Variants in BIRC6 observed in about 807,000 individuals in gnomAD.
BIRC6 encodes dual E2 ubiquitin-conjugating enzyme/E3 ubiquitin-protein ligase BIRC6.
In BIRC6, 98 loss-of-function variants were observed where a neutral mutation model predicts 503.3. That is an observed-to-expected ratio of 0.19 (90% CI 0.17 to 0.23). BIRC6 has a LOEUF of 0.23. BIRC6 is among the 10% of genes least tolerant of loss of function. The probability of loss-of-function intolerance (pLI) is 1.00; values close to 1 mark genes in which losing one functional copy is unlikely to be tolerated. For synonymous variants in BIRC6, 2,240 were observed against 2,078.7 expected (o/e 1.08, Z -2.11); for missense variants, 5,360 against 5,806.0 (o/e 0.92, Z 2.50).
rs200564932 is a variant in BIRC6, at chr2:32,617,900, T to C, written c.14570T>C (p.Leu4857Ser). 6.2e-7 allele frequency: 1 copy of C among 1,612,250 alleles called. No homozygotes were observed. The highest frequency in any genetic ancestry group is 8.5e-7 in the Non-Finnish European group (1 of 1,178,826). The change falls in exon 74 of 74, where the codon TTA becomes TCA. Residue 4857 changes from leucine (L) to serine (S), a missense_variant. Physicochemically the swap from Leu to Ser is moderately radical, Grantham distance 145 (BLOSUM62 -2). Transcript: ENST00000421745. ...SSKELPSDFQ[L>S] ...AAAGAACTCCCCAGTGACTTCCAGT[T>C]ATGAGCTGCATTGATGTGGACTTCA...
chr2:32,451,622 G>A (rs886382001), intron 22 of BIRC6, among the ~76,000 whole-genome samples: 1 of 152,182 alleles, frequency 6.6e-6, no homozygotes, highest in Non-Finnish European at 1.5e-5. Context: ...GAGTACTTCT[G>A]TGGCATGCCA....
rs1463347948 is a variant in BIRC6 at position 32,547,201 on chromosome 2, T to TA, written c.12811-648dup. 3.3e-5 allele frequency among the ~76,000 whole-genome samples: 5 copies of TA among 152,354 alleles called. 1 individual carries two copies. Among genetic ancestry groups the TA allele is most frequent in the Middle Eastern group, 3.4e-3 (1 of 294 alleles). ...TATTTATCCTAAAAAGATCTGCTCA[T>TA]ATCTGTATTCTTTTCACTGTTTTCT... On this transcript the variant is annotated intron_variant, in intron 63 of 73. Coordinates refer to ENST00000421745, the MANE Select transcript of BIRC6 (RefSeq NM_016252.4).
At chr2:32,560,132 A>G (rs1453200870) in intron 65 of BIRC6, among the ~76,000 whole-genome samples, 1 of 152,244 alleles carries the variant, frequency 6.6e-6, no homozygotes, top group Non-Finnish European at 1.5e-5. Context: ...AGAAAAGCAT[A>G]CTTACGTAAC....
intron 32 of BIRC6, 74 bp from the exon 33 acceptor site, chr2:32,473,038 G>A: frequency 7.6e-7 from 1 of 1,324,200 alleles, no homozygotes. Flanking sequence ...TGTGTTTTTT[G>A]TTTTCTGGGT....
chr2:32,501,937 G>T, intron 47 of BIRC6, 49 bp downstream of exon 47: 1 of 1,485,066 alleles, frequency 6.7e-7, no homozygotes, highest in Non-Finnish European at 9.1e-7. Context: ...AATTTATTGC[G>T]ATGTAAGTGG....
intron 16 of BIRC6, among the ~76,000 whole-genome samples, chr2:32,440,992 T>C (rs957999195): frequency 5.9e-5 from 9 of 151,990 alleles, no homozygotes; most frequent in Non-Finnish European, 1.2e-4. Flanking sequence ...AACTCCTGAG[T>C]TCTGTGATCT....
At chr2:32,377,892 A>G in intron 2 of BIRC6, 123 bp downstream of exon 2, 1 of 789,228 alleles carries the variant, frequency 1.3e-6, no homozygotes, top group East Asian at 3.0e-5. Context: ...AAAACAATTT[A>G]CTTATTGACC....
intron 23 of BIRC6, among the ~76,000 whole-genome samples, chr2:32,461,686 A>G (rs2048012016): frequency 1.3e-5 from 2 of 151,072 alleles, no homozygotes; most frequent in Non-Finnish European, 3.0e-5. Context: ...TTTTAATTTT[A>G]TTAGAATTCT....
rs1346224404 is a variant in BIRC6, at chr2:32,471,117, T to C, written c.6585T>C (p.Pro2195=). The C allele has an allele frequency of 6.4e-7, 1 of 1,567,426 alleles. No homozygotes were observed. ...VEDEAAAAKK[P]LNGNQWSFIN... ...ATGAAGCAGCAGCTGCAAAGAAACC[T>C]TTGAATGGTAAAGACAGGGAGAGGT... The change falls in exon 32 of 74, where the codon CCT becomes CCC. Residue 2195 remains proline, a synonymous_variant. Transcript: ENST00000421745.
chr2:32,468,507 A>G lies in BIRC6; in HGVS notation c.5851A>G (p.Asn1951Asp). Residue 1951 changes from asparagine (N) to aspartate (D), a missense_variant, in exon 29 of 74, where the codon AAC becomes GAC. By Grantham distance (23) the Asn-to-Asp change is conservative. Around this residue, in one of 16 missense-constraint regions of BIRC6, gnomAD observed 2,299 missense variants for 2,267.2 expected, o/e 1.01. Transcript: ENST00000421745. Reference sequence around the variant, plus strand: ...TGATCTTCCTCCTCTAAACAGTGCTAACAATGCACAGTACTTTTTACGAAA... The same window carrying G: ...TGATCTTCCTCCTCTAAACAGTGCTGACAATGCACAGTACTTTTTACGAAA... ...SIDLPPLNSA[N>D]NAQYFLRKPD... The G allele has an allele frequency of 1.2e-6, 2 of 1,613,942 alleles. No individual in the cohort carries two copies. Among genetic ancestry groups the G allele is most frequent in the Non-Finnish European group, 1.7e-6 (2 of 1,179,858 alleles).
rs765787725 is a variant in BIRC6, at chr2:32,547,883, A to G, written c.12844A>G (p.Thr4282Ala). ...QVSSSHNPTS[T>A]EEQQLYWAKG... is the part of the protein sequence containing the mutation. ...GTCAAGCTCTCATAACCCTACATCA[A>G]CAGAAGAACAACAGTTATATTGGGC... The change falls in exon 64 of 74, where the codon ACA becomes GCA. Residue 4282 changes from threonine (T) to alanine (A), a missense_variant. Thr to Ala is a moderately conservative substitution (Grantham distance 58). Around this residue, in one of 16 missense-constraint regions of BIRC6, gnomAD observed 477 missense variants for 574.4 expected, o/e 0.83. Coordinates refer to ENST00000421745, the MANE Select transcript of BIRC6 (RefSeq NM_016252.4). 3 of 1,608,620 alleles carry G rather than the reference A, an allele frequency of 1.9e-6. No individual in the cohort carries two copies. The highest frequency in any genetic ancestry group is 2.2e-5 in the East Asian group (1 of 44,742).
chr2:32,481,199 G>GTT (rs533082288), intron 37 of BIRC6, 121 bp from the exon 38 acceptor site: 10,602 of 684,730 alleles, frequency 0.015, 56 homozygotes, highest in Admixed American at 0.022. Flanking sequence ...CATACATAGA[G>GTT]TTTTTTTTTT....
At chr2:32,543,903 A>G (rs144535966) in intron 62 of BIRC6, among the ~76,000 whole-genome samples, 3 of 152,234 alleles carry the variant, frequency 2.0e-5, no homozygotes, top group South Asian at 2.1e-4. Flanking sequence ...TCCCTTCAGT[A>G]CTCTTGAGTG....
chr2:32,503,206 G>A lies in BIRC6; in HGVS notation c.9469G>A (p.Ala3157Thr). 6.2e-7 allele frequency: 1 copy of A among 1,610,646 alleles called. No homozygotes were observed. The highest frequency in any genetic ancestry group is 8.5e-7 in the Non-Finnish European group (1 of 1,178,898). Residue 3157 changes from alanine (A) to threonine (T), a missense_variant, in exon 49 of 74, where the codon GCT becomes ACT. Coordinates refer to ENST00000421745, the MANE Select transcript of BIRC6 (RefSeq NM_016252.4). Reference sequence around the variant, plus strand: ...AATACTAGCTTCTGAGCCTGACAATGCTGAAGGGATTCATAACTTTGCACC... The same window carrying A: ...AATACTAGCTTCTGAGCCTGACAATACTGAAGGGATTCATAACTTTGCACC... The part of the protein sequence containing the change: ...TRILASEPDN[A>T]EGIHNFAPLG...
intron 71 of BIRC6, among the ~76,000 whole-genome samples, chr2:32,607,148 A>T (rs2062523729): frequency 6.6e-6 from 1 of 150,874 alleles, no homozygotes; most frequent in African/African-American, 2.4e-5. Context: ...AAATTTTTTT[A>T]GCATTTTTTG....
At chr2:32,466,886 G>A (rs778278771) in intron 26 of BIRC6, among the ~76,000 whole-genome samples, 5 of 152,046 alleles carry the variant, frequency 3.3e-5, no homozygotes, top group Non-Finnish European at 4.4e-5. Context: ...TTGGGAGGCC[G>A]AGGCGGGTGG....
chr2:32,579,953 AG>A (rs2060553171), intron 66 of BIRC6, among the ~76,000 whole-genome samples: 6 of 146,098 alleles, frequency 4.1e-5, no homozygotes, highest in South Asian at 4.3e-4. Context: ...ATAACCAGGC[AG>A]GTTTTTTTTT....
At chr2:32,443,856 A>G (rs1271430177) in intron 20 of BIRC6, among the ~76,000 whole-genome samples, 1 of 152,192 alleles carries the variant, frequency 6.6e-6, no homozygotes, top group Non-Finnish European at 1.5e-5. Context: ...ACAATCATTG[A>G]GTTGTTTGGT....
chr2:32,413,588 G>T (rs969373900), intron 9 of BIRC6, among the ~76,000 whole-genome samples: 1 of 151,970 alleles, frequency 6.6e-6, no homozygotes. Context: ...CAAAGTGCTA[G>T]GATGACAGAT....
Sources: allele counts gnomAD v4.1 joint callset (sites outside exome capture counted in the v4.1 genomes callset), GRCh38; gene constraint gnomAD v4.1.1; regional missense constraint gnomAD v4.1.1; transcripts MANE v1.5; gene names NCBI Gene and HGNC (gene_info 2026-07-23, HGNC 2026-07-21).